Variants in TMEM91 observed in about 807,000 individuals in gnomAD.
TMEM91 encodes the protein dispanin subfamily C member 3.
A neutral mutation model predicts 13.3 loss-of-function variants in TMEM91; 6 were observed. The ratio of observed to expected loss-of-function variants is 0.45; its 90% CI spans 0.25 to 0.89. The LOEUF (loss-of-function observed/expected upper bound fraction) is 0.89, where lower values mean the gene tolerates loss of function less well. Ranked by LOEUF, TMEM91 falls within the 40% of genes least tolerant of loss-of-function variation. TMEM91 has a pLI of 0.19. For synonymous variants in TMEM91, 87 were observed against 101.7 expected, an observed-to-expected ratio of 0.86 and a Z score of 0.87; for missense variants, 193 against 228.7, an observed-to-expected ratio of 0.84 and a Z score of 1.01.
At chr19:41,365,237 A>G (rs1549933) in intron 1 of TMEM91, among the ~76,000 whole-genome samples, 106,678 of 151,834 alleles carry the variant, frequency 0.7, 38,312 homozygotes, top group African/African-American at 0.83. Context: ...GGTGGCTCAT[A>G]ACTGTAATCC....
At chr19:41,365,809 C>T (rs539049030) in intron 1 of TMEM91, among the ~76,000 whole-genome samples, 19 of 144,720 alleles carry the variant, frequency 1.3e-4, no homozygotes, top group African/African-American at 4.9e-4. Flanking sequence ...CTCCCAGGTT[C>T]AAGCAATTCT....
intron 1 of TMEM91, among the ~76,000 whole-genome samples, chr19:41,365,704 C>T (rs927740187): frequency 3.9e-4 from 52 of 134,862 alleles, no homozygotes; most frequent in Non-Finnish European, 7.9e-4. Flanking sequence ...CGTGACCGGC[C>T]GGGTTTTTTT....
intron 1 of TMEM91, among the ~76,000 whole-genome samples, chr19:41,370,746 A>C (rs2038603149): frequency 6.7e-6 from 1 of 149,286 alleles, no homozygotes; most frequent in South Asian, 2.1e-4. Flanking sequence ...TGTGTTGCCT[A>C]GGCTGTGGTG....
chr19:41,384,019 T>TA lies in TMEM91; in HGVS notation c.*146_*147insA. The TA allele has an allele frequency of 7.3e-7, 1 of 1,374,282 alleles. No homozygotes were observed. The highest frequency in any genetic ancestry group is 9.6e-7 in the Non-Finnish European group (1 of 1,042,892). 85.1% of individuals were successfully genotyped at this position (1,374,282 alleles called of 1,614,324 possible). ...CGAGCTGGACTGGAACCCTTCCCCT[T>TA]CCTGGCCACCGCTCTTCGGGCGGCA... On this transcript the variant is annotated 3_prime_UTR_variant, in exon 4 of 4. Coordinates refer to ENST00000392002, the MANE Select transcript of TMEM91 (RefSeq NM_001098821.2).
At chr19:41,376,269 A>G (rs1417548393), upstream of TMEM91, 1 of 152,260 alleles carries the variant, frequency 6.6e-6, no homozygotes, top group Non-Finnish European at 1.5e-5. Flanking sequence ...TCTGCCCTCA[A>G]TGAACCAATG....
chr19:41,378,550 C>T lies in TMEM91; in HGVS notation c.210+31C>T, dbSNP rs377475846. 9.6e-5 allele frequency: 154 copies of T among 1,610,874 alleles called. 1 individual carries two copies. In the East Asian group the frequency reaches 2.2e-3, roughly 23 times the overall value. ...AAACAGCAGGCCTTAGTGGAAGGCA[C>T]GGGAGGGGGCTGGGGTGAGCCCCAC... On this transcript the variant is annotated intron_variant, in intron 2 of 3. Coordinates refer to ENST00000392002, the MANE Select transcript of TMEM91 (RefSeq NM_001098821.2).
At chr19:41,379,581 G>A (rs1377139167) in intron 2 of TMEM91, among the ~76,000 whole-genome samples, 3 of 149,610 alleles carry the variant, frequency 2.0e-5, no homozygotes, top group East Asian at 3.9e-4. Flanking sequence ...GAGAGAGGGA[G>A]GGAGGGAGGA....
chr19:41,378,491 T>G lies in TMEM91; in HGVS notation c.182T>G (p.Leu61Arg), dbSNP rs1225877057. The G allele has an allele frequency of 6.2e-7, 1 of 1,614,054 alleles. No homozygotes were observed. Among genetic ancestry groups the G allele is most frequent in the Non-Finnish European group, 8.5e-7 (1 of 1,179,976 alleles). The change falls in exon 2 of 4, where the codon CTG becomes CGG. Residue 61 changes from leucine to arginine, a missense_variant. By Grantham distance (102) the Leu-to-Arg change is moderately radical. Coordinates refer to ENST00000392002, the MANE Select transcript of TMEM91 (RefSeq NM_001098821.2). Reference sequence around the variant, plus strand: ...CCTCTTCCCTCCGTGAGCGCTGGCCTGGGGGAACCAAGGCCCCCTGATGTT... The same window carrying G: ...CCTCTTCCCTCCGTGAGCGCTGGCCGGGGGGAACCAAGGCCCCCTGATGTT... The part of the protein sequence containing the change: ...SPPLPSVSAG[L>R]GEPRPPDVED...
chr19:41,376,375 G>C (rs2038718078), upstream of TMEM91: 1 of 152,210 alleles, frequency 6.6e-6, no homozygotes, highest in Non-Finnish European at 1.5e-5. Context: ...GTTGTGCTGA[G>C]GAATACATGT....
chr19:41,371,972 C>T (rs2038631877), upstream of TMEM91, among the ~76,000 whole-genome samples: 2 of 152,130 alleles, frequency 1.3e-5, no homozygotes, highest in South Asian at 4.2e-4. Context: ...GATCCTCCCA[C>T]CTCAGCCTCC....
intron 2 of TMEM91, among the ~76,000 whole-genome samples, chr19:41,379,137 CTTTTTTTT>C (rs569382453): frequency 9.2e-6 from 1 of 109,066 alleles, no homozygotes; most frequent in Non-Finnish European, 1.9e-5. Flanking sequence ...CCCAGCCTTC[CTTTTTTTT>C]TTTTTTTTTT....
intron 2 of TMEM91, among the ~76,000 whole-genome samples, chr19:41,379,172 T>C (rs1402807552): frequency 6.8e-6 from 1 of 145,990 alleles, no homozygotes; most frequent in Non-Finnish European, 1.5e-5. Context: ...AAGTTACTGT[T>C]GTCACTTTTT....
chr19:41,369,031 G>A (rs1184062812), intron 1 of TMEM91, among the ~76,000 whole-genome samples: 1 of 152,184 alleles, frequency 6.6e-6, no homozygotes, highest in African/African-American at 2.4e-5. Context: ...TGGGAGGATC[G>A]CTTAGGTTGA....
intron 2 of TMEM91, among the ~76,000 whole-genome samples, chr19:41,379,442 G>C (rs2038818347): frequency 6.6e-6 from 1 of 151,302 alleles, no homozygotes; most frequent in African/African-American, 2.4e-5. Flanking sequence ...GCTGAGGTGG[G>C]AGGATCGCTT....
chr19:41,379,605 AAGAG>A lies in TMEM91; in HGVS notation c.210+1094_210+1097del, dbSNP rs201945621. 5.7e-3 allele frequency among the ~76,000 whole-genome samples: 860 copies of A among 151,136 alleles called. 6 individuals carry two copies. The highest frequency in any genetic ancestry group is 0.02 in the African/African-American group (825 of 41,134). The stretch of plus-strand genomic sequence containing the variant: ...AGGGAGGGAGGAAGGAAAGAAAGAA[AAGAG>A]AGAGAGAAAGAGAGAAAGAAGGAAG... On this transcript the variant is annotated intron_variant, in intron 2 of 3. Coordinates refer to ENST00000392002, the MANE Select transcript of TMEM91 (RefSeq NM_001098821.2).
At chr19:41,373,200 A>G (rs2038651836), upstream of TMEM91, among the ~76,000 whole-genome samples, 1 of 152,164 alleles carries the variant, frequency 6.6e-6, no homozygotes, top group African/African-American at 2.4e-5. Flanking sequence ...TTGGCCTCCC[A>G]AAGTGCTGGG....
At chr19:41,371,567 A>C (rs146341806), upstream of TMEM91, among the ~76,000 whole-genome samples, 1,283 of 149,904 alleles carry the variant, frequency 8.6e-3, 16 homozygotes, top group African/African-American at 0.03. Context: ...CTACAGGCGC[A>C]CACCACCAAG....
At chr19:41,368,940 C>A (rs2038570939) in intron 1 of TMEM91, among the ~76,000 whole-genome samples, 1 of 151,852 alleles carries the variant, frequency 6.6e-6, no homozygotes, top group African/African-American at 2.4e-5. Flanking sequence ...CATGATGAAA[C>A]CCCATCACTA....
At chr19:41,363,947 G>A, upstream of TMEM91, 1 of 337,294 alleles carries the variant, frequency 3.0e-6, no homozygotes, top group Non-Finnish European at 5.6e-6. Context: ...CAGCGCATGC[G>A]TCATTCCTAC....
Sources: allele counts gnomAD v4.1 joint callset (sites outside exome capture counted in the v4.1 genomes callset), GRCh38; gene constraint gnomAD v4.1.1; transcripts MANE v1.5; gene names NCBI Gene and HGNC (gene_info 2026-07-23, HGNC 2026-07-21).